SIAH3: variants seen among roughly 807,000 people sequenced by gnomAD.
SIAH3 encodes siah E3 ubiquitin protein ligase family member 3, also known as seven in absentia homolog 3.
A neutral mutation model predicts 12.6 loss-of-function variants in SIAH3; 9 were observed. The ratio of observed to expected loss-of-function variants is 0.72; its 90% CI spans 0.43 to 1.25. The LOEUF is 1.25. Among genes scored for constraint, SIAH3 ranks in the 50% most tolerant of loss-of-function variants. The probability of loss-of-function intolerance (pLI) is 0.00; values close to 1 mark genes in which losing one functional copy is unlikely to be tolerated. For missense variants in SIAH3, 390 were observed against 365.4 expected (o/e 1.07, Z -0.55); for synonymous variants, 154 against 151.1 (o/e 1.02, Z -0.14).
chr13:45,848,245 G>A (rs1950767468), intron 1 of SIAH3, among the ~76,000 whole-genome samples: 1 of 152,194 alleles, frequency 6.6e-6, no homozygotes, highest in South Asian at 2.1e-4. Flanking sequence ...GGAAAGAAGT[G>A]GGGGCACCAT....
At chr13:45,825,042 C>T (rs1345722462) in intron 1 of SIAH3, among the ~76,000 whole-genome samples, 2 of 152,090 alleles carry the variant, frequency 1.3e-5, no homozygotes, top group Non-Finnish European at 2.9e-5. Flanking sequence ...ATGACAGTAT[C>T]GTGGGTGCTT....
At chr13:45,835,955 A>T (rs1332632563) in intron 1 of SIAH3, among the ~76,000 whole-genome samples, 1 of 152,188 alleles carries the variant, frequency 6.6e-6, no homozygotes, top group African/African-American at 2.4e-5. Context: ...TTGTTCTTGC[A>T]GTTCTTAGCC....
chr13:45,824,397 C>G (rs1950666515), intron 1 of SIAH3, among the ~76,000 whole-genome samples: 1 of 151,716 alleles, frequency 6.6e-6, no homozygotes, highest in Non-Finnish European at 1.5e-5. Flanking sequence ...CGATAAAGCT[C>G]TGCTATTAAC....
chr13:45,816,990 T>G (rs141015256), intron 1 of SIAH3, among the ~76,000 whole-genome samples: 32 of 152,366 alleles, frequency 2.1e-4, no homozygotes, highest in African/African-American at 7.7e-4. Flanking sequence ...TTACTCTCCT[T>G]ACTAGCTAAT....
Position 45,780,933 on chromosome 13 carries a change from A to G in SIAH3, c.*2450T>C, listed in dbSNP as rs1162450116. 1 of 152,252 alleles carries G rather than the reference A, an allele frequency of 6.6e-6. No homozygotes were observed. Among genetic ancestry groups the G allele is most frequent in the African/African-American group, 2.4e-5 (1 of 41,470 alleles). 9.4% of individuals were successfully genotyped at this position (152,252 alleles called of 1,614,324 possible). A position where few individuals can be genotyped will look rare whatever the true frequency, so the allele number is the denominator to read the frequency against. ...ATACAAACTGCTGGTACCATTTCCT[A>G]TTCCCAATTCTTGGTTGTTAGTTTG... On this transcript the variant is annotated 3_prime_UTR_variant, in exon 2 of 2. Transcript: ENST00000400405.
chr13:45,832,827 A>C (rs4942449), intron 1 of SIAH3, among the ~76,000 whole-genome samples: 71,128 of 152,042 alleles, frequency 0.47, 17,177 homozygotes, highest in Admixed American at 0.61. Flanking sequence ...ACACCCTCAG[A>C]AACACTTGTT....
intron 1 of SIAH3, among the ~76,000 whole-genome samples, chr13:45,829,892 A>G (rs1950692327): frequency 6.6e-6 from 1 of 152,088 alleles, no homozygotes; most frequent in Non-Finnish European, 1.5e-5. Flanking sequence ...ACACCCCAGG[A>G]GCCTTCTGTC....
rs533746705 is a variant in SIAH3 at position 45,787,103 on chromosome 13, A to C, written c.136-3046T>G. On this transcript the variant is annotated intron_variant, in intron 1 of 1. Transcript: ENST00000400405. The stretch of plus-strand genomic sequence containing the variant: ...AACCCAAGCAGAAACCTACCAGCAA[A>C]GGGAGTCCAGCAGGTGCACTCAGCA... Among the ~76,000 whole-genome samples the C allele has an allele frequency of 9.2e-5, 14 of 152,092 alleles. No individual in the cohort carries two copies. The South Asian group carries it at 2.5e-3, about 27-fold the overall frequency.
chr13:45,806,609 A>C (rs538567878), intron 1 of SIAH3, among the ~76,000 whole-genome samples: 2 of 152,282 alleles, frequency 1.3e-5, no homozygotes, highest in South Asian at 4.1e-4. Flanking sequence ...AAAAGTATCT[A>C]TTGCGTGCTA....
chr13:45,800,761 A>G (rs755600858), intron 1 of SIAH3, among the ~76,000 whole-genome samples: 1 of 152,228 alleles, frequency 6.6e-6, no homozygotes, highest in Non-Finnish European at 1.5e-5. Flanking sequence ...GTACAAATGA[A>G]TAATTGTTGA....
chr13:45,810,579 G>A (rs1529879), intron 1 of SIAH3, among the ~76,000 whole-genome samples: 46,331 of 152,094 alleles, frequency 0.3, 8,328 homozygotes, highest in Non-Finnish European at 0.4. Context: ...GTCCCAGTGC[G>A]TTTGCCTGGG....
chr13:45,850,584 C>T (rs1255313749), intron 1 of SIAH3, among the ~76,000 whole-genome samples: 1 of 152,122 alleles, frequency 6.6e-6, no homozygotes, highest in South Asian at 2.1e-4. Context: ...CTCCCCAGCC[C>T]CCACCTCCCT....
intron 1 of SIAH3, among the ~76,000 whole-genome samples, chr13:45,827,397 C>G (rs142331502): frequency 6.0e-4 from 91 of 152,300 alleles, no homozygotes; most frequent in Middle Eastern, 3.4e-3. Flanking sequence ...CCATCTACCC[C>G]CAGGCTGTGA....
At chr13:45,842,889 T>A (rs1377137543) in intron 1 of SIAH3, among the ~76,000 whole-genome samples, 1 of 152,122 alleles carries the variant, frequency 6.6e-6, no homozygotes, top group African/African-American at 2.4e-5. Context: ...AGGGTCTTGT[T>A]TATCTCTATT....
At position 45,780,004 on chromosome 13, in the gene SIAH3, T is replaced by C. The variant is rs187539644; in HGVS notation, c.*3379A>G. The C allele has an allele frequency of 6.6e-6, 1 of 152,352 alleles. No homozygotes were observed. 9.4% of individuals were successfully genotyped at this position (152,352 alleles called of 1,614,324 possible). A position where few individuals can be genotyped will look rare whatever the true frequency, so the allele number is the denominator to read the frequency against. ...TGGCAGATGCCTGAAGTTCAGATAC[T>C]GGTAACTCATTTTTCACTGTTAAGT... On this transcript the variant is annotated 3_prime_UTR_variant, in exon 2 of 2. Coordinates refer to ENST00000400405, the MANE Select transcript of SIAH3 (RefSeq NM_198849.3).
At chr13:45,830,982 C>G (rs1016342212) in intron 1 of SIAH3, among the ~76,000 whole-genome samples, 1 of 152,056 alleles carries the variant, frequency 6.6e-6, no homozygotes, top group South Asian at 2.1e-4. Flanking sequence ...AGCTCCAGAC[C>G]AGCCTGGCCA....
intron 1 of SIAH3, among the ~76,000 whole-genome samples, chr13:45,814,810 C>T (rs939122781): frequency 2.6e-5 from 4 of 151,986 alleles, no homozygotes; most frequent in Admixed American, 6.6e-5. Flanking sequence ...GCAACCTCTG[C>T]CTTCCGGGCT....
chr13:45,800,711 G>A (rs1417132351), intron 1 of SIAH3, among the ~76,000 whole-genome samples: 2 of 152,202 alleles, frequency 1.3e-5, no homozygotes, highest in East Asian at 3.9e-4. Context: ...GCTAGGAAGA[G>A]GACAAATTTT....
intron 1 of SIAH3, among the ~76,000 whole-genome samples, chr13:45,813,630 C>T (rs1950623822): frequency 6.6e-6 from 1 of 152,184 alleles, no homozygotes; most frequent in Admixed American, 6.5e-5. Flanking sequence ...TACTCAATTA[C>T]TTTTGCACCA....
Sources: allele counts gnomAD v4.1 joint callset (sites outside exome capture counted in the v4.1 genomes callset), GRCh38; gene constraint gnomAD v4.1.1; transcripts MANE v1.5; gene names NCBI Gene and HGNC (gene_info 2026-07-23, HGNC 2026-07-21).